Variants in NLGN2 observed in about 807,000 individuals in gnomAD.
NLGN2 encodes neuroligin-2.
NLGN2 carries 11 observed loss-of-function variants against 48.6 expected under a neutral mutation model. That is an observed-to-expected ratio of 0.23 (90% CI 0.14 to 0.37). The LOEUF (loss-of-function observed/expected upper bound fraction) is 0.37, where lower values mean the gene tolerates loss of function less well. NLGN2 is among the 10% of genes least tolerant of loss of function. The pLI is 1.00. For synonymous variants in NLGN2, 548 were observed against 550.0 expected, an observed-to-expected ratio of 1.00 and a Z score of 0.05; for missense variants, 801 against 1,225.2, an observed-to-expected ratio of 0.65 and a Z score of 5.17.
In NLGN2 at chr17:7,414,743, G is replaced by A. The variant is rs373049409; in HGVS notation, c.739G>A (p.Glu247Lys). Residue 247 changes from glutamate (E) to lysine (K), a missense_variant, in exon 4 of 7, where the codon GAA becomes AAA. By Grantham distance (56) the Glu-to-Lys change is moderately conservative. This residue lies in a region of NLGN2 where 303 missense variants were observed against 600.1 expected (regional missense o/e 0.50). Transcript: ENST00000302926. The part of the protein sequence containing the change: ...DQIQALRWLS[E>K]NIAHFGGDPE... ...GATCCAGGCCCTGCGCTGGCTCAGTGAAAACATCGCCCACTTTGGGGGCGA... is the reference window on the plus strand; with the variant it reads ...GATCCAGGCCCTGCGCTGGCTCAGTAAAAACATCGCCCACTTTGGGGGCGA... The A allele has an allele frequency of 3.7e-5, 59 of 1,614,110 alleles. No homozygotes were observed. Among genetic ancestry groups the A allele is most frequent in the Non-Finnish European group, 4.7e-5 (56 of 1,180,044 alleles).
At position 7,408,526 on chromosome 17, in the gene NLGN2, G is replaced by C. The variant is rs990693557; in HGVS notation, c.271G>C (p.Ala91Pro). The C allele has an allele frequency of 1.3e-6, 2 of 1,532,834 alleles. No homozygotes were observed. The highest frequency in any genetic ancestry group is 1.7e-6 in the Non-Finnish European group (2 of 1,143,720). The allele number at this position is 1,532,834 out of a possible 1,614,324, so 95.0% of individuals were successfully genotyped here. ...ARRFQPPEAP[A>P]SWPGVRNATT... is the part of the protein sequence containing the mutation. ...CCGCTTCCAGCCGCCTGAGGCGCCC[G>C]CCTCGTGGCCCGGCGTGCGCAACGC... is the stretch of plus-strand genomic sequence containing the variant. The change falls in exon 1 of 7, where the codon GCC (alanine) becomes CCC (proline). Residue 91 changes from alanine (A) to proline (P), a missense_variant. This residue lies in a region of NLGN2 where 164 missense variants were observed against 186.2 expected (regional missense o/e 0.88). Transcript: ENST00000302926. This position sits in a 1 kb window ranked among gnomAD's most constrained non-coding sequence, Gnocchi z 7.5.
rs774767278 is a variant in NLGN2 at position 7,416,908 on chromosome 17, G to C, written c.1635-18G>C. On this transcript the variant is annotated intron_variant, in intron 6 of 6. Transcript: ENST00000302926. ...CCTTGCCCTCACTCCTCCTTTCCCT[G>C]CCCTCCTGTGCCCACAGGGACCCCA... The C allele has an allele frequency of 6.2e-7, 1 of 1,612,560 alleles. No individual in the cohort carries two copies. Among genetic ancestry groups the C allele is most frequent in the East Asian group, 2.2e-5 (1 of 44,832 alleles).
intron 6 of NLGN2, among the ~76,000 whole-genome samples, chr17:7,416,424 G>T (rs1475743095): frequency 6.6e-6 from 1 of 152,086 alleles, no homozygotes; most frequent in African/African-American, 2.4e-5. Context: ...AGGTGTGTGT[G>T]TCTGAGTGTG....
chr17:7,415,781 A>T lies in NLGN2; in HGVS notation c.1308A>T (p.Thr436=). 6.2e-7 allele frequency: 1 copy of T among 1,614,222 alleles called. No individual in the cohort carries two copies. Among genetic ancestry groups the T allele is most frequent in the Non-Finnish European group, 8.5e-7 (1 of 1,180,052 alleles). Residue 436 remains threonine, a synonymous_variant, in exon 6 of 7, where the codon ACA becomes ACT. Transcript: ENST00000302926. ...VLRETIKFMY[T]DWADRDNGEM... ...GGGAGACCATCAAGTTTATGTACAC[A>T]GACTGGGCCGACCGGGACAATGGCG...
rs778277243 is a variant in NLGN2 at position 7,417,273 on chromosome 17, C to T, written c.1982C>T (p.Ala661Val). 6 of 1,595,454 alleles carry T rather than the reference C, an allele frequency of 3.8e-6. No individual in the cohort carries two copies. Among genetic ancestry groups the T allele is most frequent in the Non-Finnish European group, 5.1e-6 (6 of 1,173,012 alleles). Residue 661 changes from alanine to valine, a missense_variant, in exon 7 of 7, where the codon GCC (alanine) becomes GTC (valine). By Grantham distance (64) the Ala-to-Val change is moderately conservative. Coordinates refer to ENST00000302926, the MANE Select transcript of NLGN2 (RefSeq NM_020795.4). ...PEPEPEPGPR[A>V]YDRFPGDSRD... ...CCCGAGCCCGAGCCCGGCCCAAGGG[C>T]CTATGACCGCTTCCCCGGGGACTCA...
rs745346093 is a variant in NLGN2 at position 7,417,842 on chromosome 17, G to C, written c.*43G>C. ...CCTCCTCCCCGGCCCTCCCTGGCCC[G>C]GCCACTCCGAAGGCAGGGAGGAGGA... On this transcript the variant is annotated 3_prime_UTR_variant, in exon 7 of 7. Transcript: ENST00000302926. 3 of 1,349,936 alleles carry C rather than the reference G, an allele frequency of 2.2e-6. No individual in the cohort carries two copies. Among genetic ancestry groups the C allele is most frequent in the East Asian group, 2.9e-5 (1 of 34,590 alleles). The allele number at this position is 1,349,936 out of a possible 1,614,324, so 83.6% of individuals were successfully genotyped here. A position where few individuals can be genotyped will look rare whatever the true frequency, so the allele number is the denominator to read the frequency against.
rs986113037 is a variant in NLGN2 at position 7,411,582 on chromosome 17, T to C, written c.458-575T>C. Among the ~76,000 whole-genome samples, 6 of 152,176 alleles carry C rather than the reference T, an allele frequency of 3.9e-5. No individual in the cohort carries two copies. The highest frequency in any genetic ancestry group is 1.4e-4 in the African/African-American group (6 of 41,446). ...TGTGGGGCAGGCTGCCCCCCAACCC[T>C]GTCCTGCTCGCTGCCCTGCAGAGTG... On this transcript the variant is annotated intron_variant, in intron 1 of 6. Transcript: ENST00000302926. This position sits in a 1 kb window ranked among gnomAD's most constrained non-coding sequence, Gnocchi z 4.5.
Position 7,416,913 on chromosome 17 carries a change from C to T in NLGN2, c.1635-13C>T. 6.2e-7 allele frequency: 1 copy of T among 1,613,344 alleles called. No individual in the cohort carries two copies. Among genetic ancestry groups the T allele is most frequent in the Non-Finnish European group, 8.5e-7 (1 of 1,179,700 alleles). On this transcript the variant is annotated splice_polypyrimidine_tract_variant and intron_variant, in intron 6 of 6. Transcript: ENST00000302926. ...CCCTCACTCCTCCTTTCCCTGCCCT[C>T]CTGTGCCCACAGGGACCCCAACCAG...
At position 7,413,556 on chromosome 17, in the gene NLGN2, C is replaced by A. The variant is rs1250875650; in HGVS notation, c.509-788C>A. Among the ~76,000 whole-genome samples, 2 of 152,170 alleles carry A rather than the reference C, an allele frequency of 1.3e-5. No homozygotes were observed. The highest frequency in any genetic ancestry group is 2.9e-5 in the Non-Finnish European group (2 of 68,018). The stretch of plus-strand genomic sequence containing the variant: ...CTCCCACATCCTCTGGAATTAGTCA[C>A]CCTTCAGTCCAATCTGGAGCAACTC... On this transcript the variant is annotated intron_variant, in intron 2 of 6. Coordinates refer to ENST00000302926, the MANE Select transcript of NLGN2 (RefSeq NM_020795.4). This position sits in a 1 kb window ranked among gnomAD's most constrained non-coding sequence, Gnocchi z 4.9.
upstream of NLGN2, among the ~76,000 whole-genome samples, chr17:7,406,170 A>G (rs538583648): frequency 3.1e-4 from 47 of 152,258 alleles, no homozygotes; most frequent in African/African-American, 1.0e-3. Flanking sequence ...AAAGATGTAA[A>G]AAGACCGAGG....
rs769481772 is a variant in NLGN2, at chr17:7,412,194, T to G, written c.495T>G (p.Asn165Lys). Residue 165 changes from asparagine to lysine, a missense_variant, in exon 2 of 7, where the codon AAT becomes AAG. By Grantham distance (94) the Asn-to-Lys change is moderately conservative. This residue lies in a region of NLGN2 where 56 missense variants were observed against 100.0 expected (regional missense o/e 0.56). Transcript: ENST00000302926. Reference protein sequence around the residue: ...LTKKRDEATLNPPDTDIRDPG... With the variant: ...LTKKRDEATLKPPDTDIRDPG... ...AAAAACGTGACGAGGCGACGCTCAA[T>G]CCGCCAGACACAGGTAGATTTAAAA... 2.5e-6 allele frequency: 4 copies of G among 1,599,804 alleles called. No homozygotes were observed. The highest frequency in any genetic ancestry group is 2.6e-6 in the Non-Finnish European group (3 of 1,171,678).
Position 7,417,504 on chromosome 17 carries a change from C to A in NLGN2, c.2213C>A (p.Pro738Gln). 6.6e-7 allele frequency: 1 copy of A among 1,518,016 alleles called. No individual in the cohort carries two copies. The allele number at this position is 1,518,016 out of a possible 1,614,324, so 94.0% of individuals were successfully genotyped here. The change falls in exon 7 of 7, where the codon CCA (proline) becomes CAA (glutamine). Residue 738 changes from proline to glutamine, a missense_variant. By Grantham distance (76) the Pro-to-Gln change is moderately conservative (BLOSUM62 -1). Transcript: ENST00000302926. The part of the protein sequence containing the change: ...LLPAAGRELP[P>Q]EEELVSLQLK... ...CCCGCCGCGGGCCGTGAGCTGCCAC[C>A]AGAGGAGGAGCTGGTGTCACTGCAG...
chr17:7,409,845 A>G (rs183267831), intron 1 of NLGN2, among the ~76,000 whole-genome samples: 1 of 152,136 alleles, frequency 6.6e-6, no homozygotes, highest in African/African-American at 2.4e-5. Context: ...CACAATCACA[A>G]TTCCCAGTAC....
rs1230052999 is a variant in NLGN2 at position 7,417,714 on chromosome 17, C to A, written c.2423C>A (p.Pro808His). 1.2e-4 allele frequency: 143 copies of A among 1,151,364 alleles called. No individual in the cohort carries two copies. The highest frequency in any genetic ancestry group is 1.6e-4 in the Non-Finnish European group (137 of 882,592). The allele number at this position is 1,151,364 out of a possible 1,614,324, so 71.3% of individuals were successfully genotyped here. A position where few individuals can be genotyped will look rare whatever the true frequency, so the allele number is the denominator to read the frequency against. ...PPPPPPPSLHPFGPFPPPPPT... is the reference protein window; with the variant it reads ...PPPPPPPSLHHFGPFPPPPPT... ...CCCCCACCGCCCCCCTCCCTTCATC[C>A]CTTCGGGCCCTTCCCCCCGCCCCCT... Residue 808 changes from proline to histidine, a missense_variant, in exon 7 of 7, where the codon CCC becomes CAC. By Grantham distance (77) the Pro-to-His change is moderately conservative. Coordinates refer to ENST00000302926, the MANE Select transcript of NLGN2 (RefSeq NM_020795.4).
intron 2 of NLGN2, among the ~76,000 whole-genome samples, chr17:7,412,594 C>A: frequency 6.6e-6 from 1 of 151,912 alleles, no homozygotes; most frequent in Non-Finnish European, 1.5e-5. Flanking sequence ...GAAATTGGAA[C>A]AAAACAACAG....
rs750746672 is a variant in NLGN2, at chr17:7,415,736, G to A, written c.1263G>A (p.Pro421=). 30 of 1,614,226 alleles carry A rather than the reference G, an allele frequency of 1.9e-5. No individual in the cohort carries two copies. Among genetic ancestry groups the A allele is most frequent in the Admixed American group, 1.5e-4 (9 of 60,026 alleles). The part of the protein sequence containing the change: ...SNFVDNLYGY[P]EGKDVLRETI... ...TTGTGGACAACCTGTATGGCTACCC[G>A]GAAGGCAAGGATGTGCTTCGGGAGA... is the stretch of plus-strand genomic sequence containing the variant. The change falls in exon 6 of 7, where the codon CCG becomes CCA. Residue 421 remains proline (P), a synonymous_variant. Coordinates refer to ENST00000302926, the MANE Select transcript of NLGN2 (RefSeq NM_020795.4).
At chr17:7,405,261 G>A, upstream of NLGN2, 1 of 152,358 alleles carries the variant, frequency 6.6e-6, no homozygotes, top group Non-Finnish European at 1.5e-5. The surrounding 1 kb of genome is among the most constrained non-coding windows in gnomAD (Gnocchi z 6.8). Flanking sequence ...AGGATCCTCC[G>A]CCTGGACCGC....
In NLGN2 at chr17:7,417,842, G is replaced by A. The variant is rs745346093; in HGVS notation, c.*43G>A. 238 of 1,349,812 alleles carry A rather than the reference G, an allele frequency of 1.8e-4. No homozygotes were observed. Among genetic ancestry groups the A allele is most frequent in the Non-Finnish European group, 2.0e-4 (213 of 1,058,770 alleles). The allele number at this position is 1,349,812 out of a possible 1,614,324, so 83.6% of individuals were successfully genotyped here. On this transcript the variant is annotated 3_prime_UTR_variant, in exon 7 of 7. Transcript: ENST00000302926. ...CCTCCTCCCCGGCCCTCCCTGGCCCGGCCACTCCGAAGGCAGGGAGGAGGA... is the reference window on the plus strand; with the variant it reads ...CCTCCTCCCCGGCCCTCCCTGGCCCAGCCACTCCGAAGGCAGGGAGGAGGA...
At position 7,408,832 on chromosome 17, in the gene NLGN2, G is replaced by T. The variant is rs960417253; in HGVS notation, c.457+120G>T. The T allele has an allele frequency of 4.5e-6, 7 of 1,558,710 alleles. No homozygotes were observed. Among genetic ancestry groups the T allele is most frequent in the Non-Finnish European group, 1.7e-6 (2 of 1,146,024 alleles). On this transcript the variant is annotated intron_variant, in intron 1 of 6. Transcript: ENST00000302926. The surrounding 1 kb of genome is among the most constrained non-coding windows in gnomAD (Gnocchi z 7.5). ...GCTGGGCCTTTGTGGGGGCAGTGAG[G>T]GACGGAGTGTCCCTGCAACCTCTAC... is the stretch of plus-strand genomic sequence containing the variant.
Sources: allele counts gnomAD v4.1 joint callset (sites outside exome capture counted in the v4.1 genomes callset), GRCh38; gene constraint gnomAD v4.1.1; regional missense constraint gnomAD v4.1.1; non-coding constraint Gnocchi (gnomAD v3.1); transcripts MANE v1.5; gene names NCBI Gene and HGNC (gene_info 2026-07-23, HGNC 2026-07-21).